RTL4: variants seen among roughly 807,000 people sequenced by gnomAD.
RTL4 encodes retrotransposon Gag like 4.
Under a neutral mutation model 5.3 loss-of-function variants are expected in RTL4, and 4 were observed. The observed-to-expected ratio is 0.75, with a 90% CI of 0.37 to 1.72. The LOEUF is 1.72. Among genes scored for constraint, RTL4 ranks in the 40% most tolerant of loss-of-function variants. The probability of loss-of-function intolerance (pLI) is 0.04; values close to 1 mark genes in which losing one functional copy is unlikely to be tolerated. For missense variants in RTL4, 260 were observed against 227.1 expected, an observed-to-expected ratio of 1.14 and a Z score of -0.93; for synonymous variants, 98 against 87.3, an observed-to-expected ratio of 1.12 and a Z score of -0.68.
the RTL4 span, among the ~76,000 whole-genome samples, chrX:112,108,591 A>G: frequency 1.8e-5 from 2 of 111,180 alleles, no homozygotes; most frequent in Non-Finnish European, 3.8e-5. Context: ...CTACTCGGGT[A>G]GATCTATTGA....
chrX:112,352,116 T>C, the RTL4 span, among the ~76,000 whole-genome samples: 2 of 111,084 alleles, frequency 1.8e-5, no homozygotes, highest in Non-Finnish European at 3.8e-5. Context: ...TTATTTCTCC[T>C]TCACTTATGA....
At chrX:112,091,661 C>T in the RTL4 span, among the ~76,000 whole-genome samples, 1 of 111,227 alleles carries the variant, frequency 9.0e-6, no homozygotes, top group Non-Finnish European at 1.9e-5. Context: ...ACCTAACATA[C>T]AGTCTATTCT....
chrX:112,298,313 G>GT, the RTL4 span, among the ~76,000 whole-genome samples: 2 of 111,995 alleles, frequency 1.8e-5, no homozygotes, highest in East Asian at 2.8e-4. Context: ...TAAAGTGTGT[G>GT]TTTTGTCTAG....
chrX:112,102,290 G>T, the RTL4 span, among the ~76,000 whole-genome samples: 1 of 111,113 alleles, frequency 9.0e-6, no homozygotes, highest in South Asian at 3.7e-4. Context: ...CAAAGCCTGT[G>T]GTCTAAATCA....
chrX:112,333,809 A>G, the RTL4 span, among the ~76,000 whole-genome samples: 1 of 111,728 alleles, frequency 9.0e-6, no homozygotes, highest in Admixed American at 9.5e-5. Flanking sequence ...CAATTTAATT[A>G]CACTCTTTAA....
chrX:112,095,133 C>T, the RTL4 span, among the ~76,000 whole-genome samples: 5 of 111,561 alleles, frequency 4.5e-5, no homozygotes, highest in Non-Finnish European at 7.6e-5. Flanking sequence ...GAGGACACCT[C>T]TTCCATTATA....
At chrX:112,194,681 C>A in the RTL4 span, among the ~76,000 whole-genome samples, 1 of 112,038 alleles carries the variant, frequency 8.9e-6, no homozygotes. Flanking sequence ...AACAGACCAA[C>A]CCTCTTCCAG....
At chrX:112,264,607 G>A in the RTL4 span, among the ~76,000 whole-genome samples, 405 of 111,976 alleles carry the variant, frequency 3.6e-3, 1 homozygote, top group Non-Finnish European at 6.3e-3. Flanking sequence ...AATGACCTAC[G>A]TATAACATAT....
the RTL4 span, among the ~76,000 whole-genome samples, chrX:112,271,023 C>G: frequency 1.2e-5 from 1 of 86,241 alleles, no homozygotes; most frequent in Admixed American, 1.5e-4. Context: ...TATGGAACTG[C>G]TGTGAAAGAT....
the RTL4 span, among the ~76,000 whole-genome samples, chrX:112,149,247 T>A: frequency 9.0e-6 from 1 of 111,698 alleles, no homozygotes; most frequent in Admixed American, 9.6e-5. Flanking sequence ...CAGTTCTCAC[T>A]TTCCTACAGC....
the RTL4 span, among the ~76,000 whole-genome samples, chrX:112,187,562 A>C: frequency 9.0e-6 from 1 of 111,730 alleles, no homozygotes; most frequent in South Asian, 3.8e-4. Flanking sequence ...ATCTAGACTG[A>C]ATCAAATTAC....
the RTL4 span, among the ~76,000 whole-genome samples, chrX:112,346,580 C>A: frequency 7.2e-5 from 8 of 111,093 alleles, no homozygotes; most frequent in African/African-American, 2.6e-4. Flanking sequence ...GTGAGAATAT[C>A]CCTCTTTAGT....
the RTL4 span, among the ~76,000 whole-genome samples, chrX:112,352,362 C>T: frequency 1.8e-5 from 2 of 110,478 alleles, no homozygotes; most frequent in East Asian, 2.9e-4. Context: ...AAAAAGAGCC[C>T]GCATCGCCAA....
At chrX:112,222,453 C>T in the RTL4 span, among the ~76,000 whole-genome samples, 1 of 111,637 alleles carries the variant, frequency 9.0e-6, no homozygotes, top group African/African-American at 3.3e-5. Flanking sequence ...CACTCTGGCT[C>T]ATGCCTGTAA....
the RTL4 span, among the ~76,000 whole-genome samples, chrX:112,161,889 T>TTTCTTCTTTC: frequency 3.5e-5 from 3 of 85,138 alleles, no homozygotes; most frequent in Non-Finnish European, 6.9e-5. Flanking sequence ...TTCTTCTTTC[T>TTTCTTCTTTC]TTCTTCTTTT....
At chrX:112,408,487 A>G in the RTL4 span, among the ~76,000 whole-genome samples, 2 of 110,279 alleles carry the variant, frequency 1.8e-5, no homozygotes, top group Non-Finnish European at 3.8e-5. Flanking sequence ...AAAAAGAATT[A>G]AAAAAATGAA....
chrX:112,260,835 T>C, the RTL4 span, among the ~76,000 whole-genome samples: 1 of 111,889 alleles, frequency 8.9e-6, no homozygotes. Context: ...AATCTGGGCC[T>C]CAAGAGCATA....
At chrX:112,372,878 T>G in the RTL4 span, among the ~76,000 whole-genome samples, 3 of 111,899 alleles carry the variant, frequency 2.7e-5, no homozygotes, top group Non-Finnish European at 5.6e-5. Flanking sequence ...GTGGTACCTT[T>G]TCTCTTGTGC....
upstream of RTL4, among the ~76,000 whole-genome samples, chrX:112,450,224 T>G (rs776348716): frequency 8.9e-6 from 1 of 112,414 alleles, no homozygotes; most frequent in Non-Finnish European, 1.9e-5. Context: ...GTAAAGTAGT[T>G]TTATGTTCGA....
Sources: gnomAD v4.1 joint callset for allele counts (sites outside exome capture counted in the v4.1 genomes callset) on GRCh38, gnomAD v4.1.1 for gene constraint, MANE v1.5 for transcripts, NCBI Gene and HGNC (gene_info 2026-07-23, HGNC 2026-07-21) for gene names.